CA10: variants seen among roughly 807,000 people sequenced by gnomAD.
The protein encoded by CA10 is carbonic anhydrase-related protein 10.
Under a neutral mutation model 44.2 loss-of-function variants are expected in CA10, and 14 were observed. The observed-to-expected ratio is 0.32, with a 90% CI of 0.21 to 0.50. CA10 has a LOEUF of 0.50. CA10 is among the 20% of genes least tolerant of loss of function. The pLI, the probability that CA10 is intolerant of heterozygous loss-of-function variation, is 0.99. For missense variants in CA10, 350 were observed against 409.7 expected, an observed-to-expected ratio of 0.85 and a Z score of 1.26; for synonymous variants, 159 against 141.6, an observed-to-expected ratio of 1.12 and a Z score of -0.87.
chr17:51,745,275 T>C (rs1904637082), intron 4 of CA10, among the ~76,000 whole-genome samples: 1 of 152,174 alleles, frequency 6.6e-6, no homozygotes, highest in Non-Finnish European at 1.5e-5. Flanking sequence ...CCAAAATCTC[T>C]TGGGGAAAGT....
chr17:51,921,866 G>C (rs918877394), intron 3 of CA10, among the ~76,000 whole-genome samples: 1 of 152,180 alleles, frequency 6.6e-6, no homozygotes, highest in African/African-American at 2.4e-5. Flanking sequence ...TGAGAGGAAA[G>C]TTTTATCTTT....
intron 3 of CA10, among the ~76,000 whole-genome samples, chr17:51,841,355 G>A (rs1377538913): frequency 6.6e-6 from 1 of 152,070 alleles, no homozygotes; most frequent in African/African-American, 2.4e-5. Context: ...CACTAGTATT[G>A]TCTCTAACTC....
At chr17:51,930,889 G>A in intron 3 of CA10, 101 bp downstream of exon 3, 1 of 1,366,100 alleles carries the variant, frequency 7.3e-7, no homozygotes, top group Non-Finnish European at 1.0e-6. Context: ...TCCTAGGTGG[G>A]AGGACAAACT....
intron 6 of CA10, among the ~76,000 whole-genome samples, chr17:51,637,935 G>A (rs1912906698): frequency 6.6e-6 from 1 of 152,188 alleles, no homozygotes; most frequent in African/African-American, 2.4e-5. Context: ...ATTCTAGTTG[G>A]AGAGATAGAT....
chr17:52,071,054 T>C, intron 2 of CA10, among the ~76,000 whole-genome samples: 1 of 152,224 alleles, frequency 6.6e-6, no homozygotes, highest in East Asian at 1.9e-4. Flanking sequence ...TCTATTTCTT[T>C]AAAAGGGACA....
chr17:52,078,546 C>G (rs1987878515), intron 1 of CA10, among the ~76,000 whole-genome samples: 1 of 152,218 alleles, frequency 6.6e-6, no homozygotes, highest in African/African-American at 2.4e-5. Flanking sequence ...GGTTGTTTCC[C>G]TCAGAAATTG....
chr17:51,831,667 A>AAGCAGCAGCAGCAGC lies in CA10; in HGVS notation c.280-83864_280-83850dup, dbSNP rs66635963. On this transcript the variant is annotated intron_variant, in intron 3 of 8. Coordinates refer to ENST00000451037, the MANE Select transcript of CA10 (RefSeq NM_020178.5). ...TGGATTGTTCCAAGGAGAAAAGAAA[A>AAGCAGCAGCAGCAGC]AGCAGCAGCAGCAGCAGCAGCAGCA... Among the ~76,000 whole-genome samples, 207 of 127,490 alleles carry AAGCAGCAGCAGCAGC rather than the reference A, an allele frequency of 1.6e-3. 11 individuals carry two copies. The highest frequency in any genetic ancestry group is 6.0e-3 in the South Asian group (20 of 3,312). The allele number at this position is 127,490 out of a possible 152,430, so 83.6% of individuals were successfully genotyped here. A position where few individuals can be genotyped will look rare whatever the true frequency, so the allele number is the denominator to read the frequency against.
intron 3 of CA10, among the ~76,000 whole-genome samples, chr17:51,849,233 G>GTGTATATATATATA (rs1387448675): frequency 5.0e-5 from 2 of 39,904 alleles, no homozygotes; most frequent in Admixed American, 3.2e-4. Context: ...ATATGTGTGT[G>GTGTATATATATATA]TATATATATA....
intron 3 of CA10, among the ~76,000 whole-genome samples, chr17:51,893,410 A>G (rs1251604796): frequency 6.6e-6 from 1 of 152,214 alleles, no homozygotes; most frequent in Admixed American, 6.5e-5. Flanking sequence ...CTGTAAAATT[A>G]GTGCTTGGAC....
intron 3 of CA10, among the ~76,000 whole-genome samples, chr17:51,803,977 C>T (rs1484347903): frequency 2.0e-5 from 3 of 152,206 alleles, no homozygotes; most frequent in Non-Finnish European, 2.9e-5. Flanking sequence ...GACTTGGATA[C>T]TCACTGGCCG....
rs1916708838 is a variant in CA10, at chr17:51,731,306, G to A, written c.465+16327C>T. ...GCAGGAGAATCACTTGAACCCGGGA[G>A]GTGGAGGTTGCAGTGAGCCGAGATT... On this transcript the variant is annotated intron_variant, in intron 4 of 8. Transcript: ENST00000451037. 2.6e-5 allele frequency among the ~76,000 whole-genome samples: 4 copies of A among 152,202 alleles called. No individual in the cohort carries two copies. In the South Asian group the frequency reaches 8.3e-4, roughly 31 times the overall value.
At chr17:51,649,613 A>T (rs1268830984) in intron 5 of CA10, among the ~76,000 whole-genome samples, 1 of 152,208 alleles carries the variant, frequency 6.6e-6, no homozygotes, top group Admixed American at 6.5e-5. Flanking sequence ...AAAAGGGATG[A>T]AAGGCAAGGA....
intron 4 of CA10, among the ~76,000 whole-genome samples, chr17:51,743,921 A>G (rs1374549828): frequency 6.6e-6 from 1 of 152,220 alleles, no homozygotes; most frequent in Non-Finnish European, 1.5e-5. Flanking sequence ...TTTAATCTAT[A>G]ATAAAAGTTG....
intron 3 of CA10, among the ~76,000 whole-genome samples, chr17:51,753,936 C>T (rs538647047): frequency 4.1e-4 from 63 of 152,178 alleles, no homozygotes; most frequent in Non-Finnish European, 8.5e-4. Context: ...CTCCACCTCC[C>T]GGGTTCAAGT....
chr17:52,148,331 G>A (rs1192332363), intron 1 of CA10, among the ~76,000 whole-genome samples: 1 of 152,178 alleles, frequency 6.6e-6, no homozygotes, highest in African/African-American at 2.4e-5. Context: ...ATGACATGGA[G>A]AAAAGAATGA....
chr17:51,653,583 T>G, intron 5 of CA10, 58 bp downstream of exon 5: 1 of 928,678 alleles, frequency 1.1e-6, no homozygotes, highest in Non-Finnish European at 1.8e-6. Context: ...AGACCGTAAA[T>G]TGGTATTCTG....
At chr17:51,784,383 G>C (rs1352653479) in intron 3 of CA10, among the ~76,000 whole-genome samples, 1 of 152,196 alleles carries the variant, frequency 6.6e-6, no homozygotes, top group Non-Finnish European at 1.5e-5. Flanking sequence ...CCTGGTTTTG[G>C]AAATTAGGGA....
Position 51,687,652 on chromosome 17 carries a change from C to A in CA10, c.466-33916G>T, listed in dbSNP as rs558103822. 1.8e-3 allele frequency among the ~76,000 whole-genome samples: 268 copies of A among 152,272 alleles called. 2 individuals carry two copies. The highest frequency in any genetic ancestry group is 6.1e-3 in the African/African-American group (255 of 41,570). On this transcript the variant is annotated intron_variant, in intron 4 of 8. Transcript: ENST00000451037. ...CATAGTGAAATGAGAACAAAGACAT[C>A]ACTGTGGTTCTATCAAATAGAAACA...
intron 4 of CA10, among the ~76,000 whole-genome samples, chr17:51,690,977 A>T (rs1344897684): frequency 2.0e-5 from 3 of 152,024 alleles, no homozygotes; most frequent in African/African-American, 7.3e-5. Flanking sequence ...CCATTGCTCC[A>T]CTGATGGACA....
Sources: gnomAD v4.1 joint callset for allele counts (sites outside exome capture counted in the v4.1 genomes callset) on GRCh38, gnomAD v4.1.1 for gene constraint, MANE v1.5 for transcripts, NCBI Gene and HGNC (gene_info 2026-07-23, HGNC 2026-07-21) for gene names.